The following CD36 variants were observed in gnomAD, a reference collection of about 807,000 sequenced individuals.
CD36 encodes platelet glycoprotein 4.
Under a neutral mutation model 55.2 loss-of-function variants are expected in CD36, and 119 were observed. That is an observed-to-expected ratio of 2.15 (90% confidence interval 1.86 to 2.51). CD36 has a LOEUF of 2.51. Among genes scored for constraint, CD36 ranks in the 30% most tolerant of loss-of-function variants. CD36 has a pLI of 0.00. For missense variants in CD36, 819 were observed against 555.5 expected (o/e 1.47, Z -4.77); for synonymous variants, 186 against 193.6 (o/e 0.96, Z 0.33).
chr7:80,652,582 A>T (rs1284879589), intron 3 of CD36, among the ~76,000 whole-genome samples: 1 of 152,202 alleles, frequency 6.6e-6, no homozygotes, highest in East Asian at 1.9e-4. Flanking sequence ...TTACAAGCAA[A>T]TGGTAGCAGC....
Position 80,674,012 on chromosome 7 carries a change from C to G in CD36, c.1284C>G (p.Asn428Lys), listed in dbSNP as rs1241080617. The G allele has an allele frequency of 1.2e-6, 2 of 1,611,878 alleles. No individual in the cohort carries two copies. Among genetic ancestry groups the G allele is most frequent in the East Asian group, 4.5e-5 (2 of 44,686 alleles). The part of the protein sequence containing the change: ...ETGTIGDEKA[N>K]MFRSQVTGKI... ...GGACCATTGGTGATGAGAAGGCAAACATGTTCAGAAGTCAAGTAACTGGAA... is the reference window on the plus strand; with the variant it reads ...GGACCATTGGTGATGAGAAGGCAAAGATGTTCAGAAGTCAAGTAACTGGAA... Residue 428 changes from asparagine to lysine, a missense_variant, in exon 14 of 15, where the codon AAC (asparagine) becomes AAG (lysine). By Grantham distance (94) the Asn-to-Lys change is moderately conservative. Coordinates refer to ENST00000447544, the MANE Select transcript of CD36 (RefSeq NM_001001548.3).
intron 1 of CD36, among the ~76,000 whole-genome samples, chr7:80,602,801 G>T (rs1027937962): frequency 1.2e-4 from 18 of 151,998 alleles, no homozygotes; most frequent in African/African-American, 3.6e-4. Flanking sequence ...TAAAAATCTG[G>T]CCAATTTGAT....
At chr7:80,609,333 G>A (rs915515144) in intron 1 of CD36, among the ~76,000 whole-genome samples, 17 of 152,090 alleles carry the variant, frequency 1.1e-4, no homozygotes, top group African/African-American at 3.9e-4. Context: ...TTGGGGAAAT[G>A]CTTGTGATCC....
intron 14 of CD36, chr7:80,676,161 TACCG>T (rs551244021): frequency 6.6e-6 from 1 of 152,182 alleles, no homozygotes; most frequent in Non-Finnish European, 1.5e-5. Flanking sequence ...CCCTTGGTAA[TACCG>T]ACCAACAGGA....
At chr7:80,652,559 G>C (rs577520425) in intron 3 of CD36, among the ~76,000 whole-genome samples, 3 of 152,116 alleles carry the variant, frequency 2.0e-5, no homozygotes, top group African/African-American at 7.2e-5. Flanking sequence ...GAAATGATTC[G>C]TTTTAGGCCC....
At chr7:80,670,824 G>A (rs750949507) in intron 9 of CD36, 153 bp from the exon 10 acceptor site, 1 of 643,224 alleles carries the variant, frequency 1.6e-6, no homozygotes, top group Non-Finnish European at 2.7e-6. Context: ...TTTAGTATGT[G>A]TTAAAATTTC....
chr7:80,635,744 G>T (rs1284279242), upstream of CD36, among the ~76,000 whole-genome samples: 1 of 152,094 alleles, frequency 6.6e-6, no homozygotes, highest in Non-Finnish European at 1.5e-5. Context: ...TCCAAATTCA[G>T]ACTCGGATTC....
At chr7:80,644,332 T>C (rs1329403014) in intron 1 of CD36, among the ~76,000 whole-genome samples, 1 of 152,190 alleles carries the variant, frequency 6.6e-6, no homozygotes, top group Non-Finnish European at 1.5e-5. Context: ...TTGTTTAGAC[T>C]TATGTGCATT....
intron 14 of CD36, among the ~76,000 whole-genome samples, chr7:80,675,100 G>A (rs1032099845): frequency 6.6e-6 from 1 of 152,098 alleles, no homozygotes; most frequent in Non-Finnish European, 1.5e-5. Context: ...TGTTTGAAAA[G>A]GCAACCTAAT....
chr7:80,658,187 C>CTTCATGGTCTTAAAGTTTTTATATTAT (rs1796239978), intron 4 of CD36, among the ~76,000 whole-genome samples: 2 of 152,076 alleles, frequency 1.3e-5, no homozygotes, highest in African/African-American at 4.8e-5. Context: ...TTAGAATTTT[C>CTTCATGGTCTTAAAGTTTTTATATTAT]TTCATGGTCT....
At chr7:80,619,539 C>T (rs544620259) in intron 1 of CD36, among the ~76,000 whole-genome samples, 6 of 150,926 alleles carry the variant, frequency 4.0e-5, no homozygotes, top group East Asian at 3.9e-4. Flanking sequence ...CCCAGCTACT[C>T]GAGAGGCTGA....
At chr7:80,606,134 C>T (rs958738659) in intron 1 of CD36, among the ~76,000 whole-genome samples, 17 of 70,036 alleles carry the variant, frequency 2.4e-4, no homozygotes, top group African/African-American at 7.7e-4. Context: ...TCATCTTCTA[C>T]TAAGGACTAT....
rs747260092 is a variant in CD36 at position 80,672,014 on chromosome 7, CA to C, written c.1100del (p.His367LeufsTer10). ...IDGLNPNEEE[H>X]RTYLDIEPIT... ...TGGATTAAACCCAAATGAAGAAGAACATAGGACATACTTGGATATTGAACCT... is the reference window on the plus strand; with the variant it reads ...TGGATTAAACCCAAATGAAGAAGAACTAGGACATACTTGGATATTGAACCT... On this transcript the variant is annotated frameshift_variant, in exon 11 of 15. Transcript: ENST00000447544. LOFTEE classifies it high-confidence loss of function. The C allele has an allele frequency of 1.2e-6, 2 of 1,607,530 alleles. No individual in the cohort carries two copies. The highest frequency in any genetic ancestry group is 4.5e-5 in the East Asian group (2 of 44,630).
At chr7:80,664,279 T>C in intron 6 of CD36, 127 bp from the exon 7 acceptor site, 1 of 651,338 alleles carries the variant, frequency 1.5e-6, no homozygotes. Flanking sequence ...TTTAAAAAAA[T>C]GTATTGCAGA....
intron 7 of CD36, chr7:80,666,088 A>T (rs560322229): frequency 3.9e-4 from 94 of 240,556 alleles, no homozygotes; most frequent in African/African-American, 2.1e-3. Flanking sequence ...ATTCATTCTG[A>T]ACACTTATAC....
chr7:80,674,897 GA>G (rs748731587), intron 14 of CD36, among the ~76,000 whole-genome samples: 13 of 152,046 alleles, frequency 8.6e-5, no homozygotes, highest in Non-Finnish European at 2.9e-5. Flanking sequence ...CCATGCTAAA[GA>G]AAGATTCTTT....
chr7:80,669,670 T>G (rs1797458339), intron 8 of CD36, among the ~76,000 whole-genome samples: 1 of 152,072 alleles, frequency 6.6e-6, no homozygotes, highest in African/African-American at 2.4e-5. Flanking sequence ...TAATTTTGTG[T>G]ATTTTTAGTA....
At chr7:80,663,744 G>A (rs749285248) in intron 6 of CD36, among the ~76,000 whole-genome samples, 17 of 152,062 alleles carry the variant, frequency 1.1e-4, no homozygotes, top group East Asian at 1.9e-4. Flanking sequence ...CTTGATTACC[G>A]CTTAATGTTT....
At chr7:80,632,954 T>TA (rs1794170668) in intron 1 of CD36, among the ~76,000 whole-genome samples, 1 of 151,956 alleles carries the variant, frequency 6.6e-6, no homozygotes, top group Non-Finnish European at 1.5e-5. Context: ...TCTCAACGTT[T>TA]AAAAAACTAG....
Sources: allele counts gnomAD v4.1 joint callset (sites outside exome capture counted in the v4.1 genomes callset), GRCh38; gene constraint gnomAD v4.1.1; transcripts MANE v1.5; gene names NCBI Gene and HGNC (gene_info 2026-07-23, HGNC 2026-07-21).